PDZD4: variants seen among roughly 807,000 people sequenced by gnomAD.
PDZD4 encodes PDZ domain-containing protein 4.
Under a neutral mutation model 38.5 loss-of-function variants are expected in PDZD4, and 9 were observed. The observed-to-expected ratio is 0.23, with a 90% CI of 0.14 to 0.41. The LOEUF (loss-of-function observed/expected upper bound fraction) is 0.41, where lower values mean the gene tolerates loss of function less well. PDZD4 is among the 10% of genes least tolerant of loss of function. The pLI, the probability that PDZD4 is intolerant of heterozygous loss-of-function variation, is 1.00. For synonymous variants in PDZD4, 349 were observed against 315.7 expected (o/e 1.11, Z -1.12); for missense variants, 612 against 722.0 (o/e 0.85, Z 1.75).
chrX:153,827,866 C>T (rs1180572328), intron 1 of PDZD4, among the ~76,000 whole-genome samples: 1 of 111,952 alleles, frequency 8.9e-6, no homozygotes, highest in Non-Finnish European at 1.9e-5. Flanking sequence ...TAGCTCAATA[C>T]AGCTGTAATT....
intron 1 of PDZD4, among the ~76,000 whole-genome samples, chrX:153,815,698 C>T (rs2064353935): frequency 9.1e-6 from 1 of 109,680 alleles, no homozygotes; most frequent in African/African-American, 3.3e-5. Context: ...GAATGAAGCA[C>T]AGGCCCCACC....
At chrX:153,812,663 G>C (rs995740392) in intron 1 of PDZD4, among the ~76,000 whole-genome samples, 1 of 111,124 alleles carries the variant, frequency 9.0e-6, no homozygotes, top group Non-Finnish European at 1.9e-5. Context: ...GAAGAAATGA[G>C]CTCCCCTCTG....
chrX:153,816,436 G>A (rs782572495), intron 1 of PDZD4, among the ~76,000 whole-genome samples: 1 of 108,908 alleles, frequency 9.2e-6, no homozygotes, highest in Non-Finnish European at 1.9e-5. Flanking sequence ...TCTGTGGGCC[G>A]AGGACATGTG....
chrX:153,805,429 C>T (rs1557076590), intron 6 of PDZD4, 76 bp downstream of exon 6: 1 of 768,925 alleles, frequency 1.3e-6, no homozygotes, highest in Admixed American at 2.3e-5. Context: ...ACATCTGTGC[C>T]CTAGTCACGG....
At chrX:153,807,182 A>G in intron 3 of PDZD4, 97 bp downstream of exon 3, 1 of 907,764 alleles carries the variant, frequency 1.1e-6, no homozygotes, top group South Asian at 2.4e-5. Flanking sequence ...GATGCGTGCC[A>G]GGAGGGCCAC....
At position 153,804,256 on chromosome X, in the gene PDZD4, G is replaced by A. The variant is rs782101206; in HGVS notation, c.1425C>T (p.Ser475=). ...GGCAGCTCTCCCCAGTGTTGTAGGCGCTGGTGCTGTCCTTGTCCGACTTCT... is the reference window on the plus strand; with the variant it reads ...GGCAGCTCTCCCCAGTGTTGTAGGCACTGGTGCTGTCCTTGTCCGACTTCT... ...LPEKSDKDST[S]AYNTGESCRS... The change falls in exon 8 of 8, where the codon AGC becomes AGT. Residue 475 remains serine (S), a synonymous_variant. Coordinates refer to ENST00000393758, the MANE Select transcript of PDZD4 (RefSeq NM_001303512.2). 4.1e-6 allele frequency: 5 copies of A among 1,208,842 alleles called. No individual in the cohort carries two copies. The highest frequency in any genetic ancestry group is 5.6e-6 in the Non-Finnish European group (5 of 894,817).
chrX:153,807,455 C>T, intron 2 of PDZD4, 86 bp from the exon 3 acceptor site: 1 of 963,945 alleles, frequency 1.0e-6, no homozygotes, highest in Non-Finnish European at 1.4e-6. Context: ...TCCCAGCGTG[C>T]CTGGCACGGA....
At chrX:153,818,476 T>G (rs1254892640) in intron 1 of PDZD4, among the ~76,000 whole-genome samples, 2 of 110,952 alleles carry the variant, frequency 1.8e-5, no homozygotes, top group Non-Finnish European at 3.8e-5. Flanking sequence ...AAATAAAAAT[T>G]TAAAAAGCAA....
Position 153,805,149 on chromosome X carries a change from T to G in PDZD4, c.728A>C (p.Glu243Ala). The change falls in exon 7 of 8, where the codon GAG (glutamate) becomes GCG (alanine). Residue 243 changes from glutamate to alanine, a missense_variant. Coordinates refer to ENST00000393758, the MANE Select transcript of PDZD4 (RefSeq NM_001303512.2). ...RDDFLDDFGS[E>A]NEGELRARKL... is the part of the protein sequence containing the mutation. ...ACGAGCACGCAGCTCCCCCTCATTC[T>G]CAGAGCCAAAGTCATCCAGGAAGTC... 3 of 1,211,655 alleles carry G rather than the reference T, an allele frequency of 2.5e-6. No individual in the cohort carries two copies. Among genetic ancestry groups the G allele is most frequent in the Non-Finnish European group, 3.4e-6 (3 of 895,467 alleles).
In PDZD4 at chrX:153,810,125, G is replaced by A. The variant is rs1411907960; in HGVS notation, c.61-1530C>T. Among the ~76,000 whole-genome samples, 2 of 112,880 alleles carry A rather than the reference G, an allele frequency of 1.8e-5. 1 individual carries two copies. Among genetic ancestry groups the A allele is most frequent in the South Asian group, 7.2e-4 (2 of 2,768 alleles). On this transcript the variant is annotated intron_variant, in intron 1 of 7. Transcript: ENST00000393758. The stretch of plus-strand genomic sequence containing the variant: ...GGGCACGTGCCATGGGGCCAGCAAG[G>A]GTCAGCAGGAAGCACTTCTAGGAGG...
At chrX:153,823,924 T>C (rs1467049297) in intron 1 of PDZD4, among the ~76,000 whole-genome samples, 1 of 112,110 alleles carries the variant, frequency 8.9e-6, no homozygotes, top group African/African-American at 3.2e-5. Flanking sequence ...GCCCCTGAAG[T>C]AGAAGGAAGG....
chrX:153,804,582 G>A lies in PDZD4; in HGVS notation c.1099C>T (p.Leu367=), dbSNP rs1277509606. The A allele has an allele frequency of 1.7e-6, 2 of 1,208,339 alleles. No individual in the cohort carries two copies. The highest frequency in any genetic ancestry group is 2.2e-6 in the Non-Finnish European group (2 of 895,233). ...DEEYERYREL[L]EIKCHLENGN... is the part of the protein sequence containing the mutation. ...TTCTCCAGGTGGCACTTGATCTCCAGGAGCTCACGGTAGCGCTCATACTCC... is the reference window on the plus strand; with the variant it reads ...TTCTCCAGGTGGCACTTGATCTCCAAGAGCTCACGGTAGCGCTCATACTCC... Residue 367 remains leucine, a synonymous_variant, in exon 8 of 8, where the codon CTG becomes TTG. Coordinates refer to ENST00000393758, the MANE Select transcript of PDZD4 (RefSeq NM_001303512.2).
intron 1 of PDZD4, among the ~76,000 whole-genome samples, chrX:153,820,423 G>A (rs2064411537): frequency 9.4e-6 from 1 of 106,261 alleles, no homozygotes; most frequent in South Asian, 4.2e-4. Context: ...GGGAGGCTGA[G>A]GCAGGAGAAT....
chrX:153,804,207 G>A lies in PDZD4; in HGVS notation c.1474C>T (p.Pro492Ser). 1 of 1,202,876 alleles carries A rather than the reference G, an allele frequency of 8.3e-7. No homozygotes were observed. The highest frequency in any genetic ancestry group is 1.1e-6 in the Non-Finnish European group (1 of 891,411). The change falls in exon 8 of 8, where the codon CCC becomes TCC. Residue 492 changes from proline to serine, a missense_variant. This residue lies in a region of PDZD4 where 300 missense variants were observed against 284.6 expected (regional missense o/e 1.05). Transcript: ENST00000393758. ...CGCCGCAGGGGGCTCTCGGGCAGGG[G>A]CTCCACAAGCAGCGGGGTGCTGCGG... ...SCRSTPLLVE[P>S]LPESPLRRAM...
At position 153,804,864 on chromosome X, in the gene PDZD4, C is replaced by T. The variant is rs1354998486; in HGVS notation, c.817G>A (p.Gly273Ser). The change falls in exon 8 of 8, where the codon GGC becomes AGC. Residue 273 changes from glycine to serine, a missense_variant. Transcript: ENST00000393758. ...NEEEKGAPDA[G>S]PGLSNSQELD... ...TCCTGGCTGTTGCTCAGGCCTGGGC[C>T]GGCATCGGGAGCCCCCTTCTCCTCT... The T allele has an allele frequency of 1.7e-6, 2 of 1,210,143 alleles. No individual in the cohort carries two copies. The highest frequency in any genetic ancestry group is 2.2e-6 in the Non-Finnish European group (2 of 894,770).
Position 153,830,427 on chromosome X carries a change from C to A in PDZD4, c.-129G>T, listed in dbSNP as rs1323181728. 4 of 327,485 alleles carry A rather than the reference C, an allele frequency of 1.2e-5. No homozygotes were observed. Among genetic ancestry groups the A allele is most frequent in the Non-Finnish European group, 2.0e-5 (4 of 198,215 alleles). The allele number at this position is 327,485 out of a possible 1,213,427, so 27.0% of individuals were successfully genotyped here. A position where few individuals can be genotyped will look rare whatever the true frequency, so the allele number is the denominator to read the frequency against. On this transcript the variant is annotated 5_prime_UTR_variant, in exon 1 of 8. Coordinates refer to ENST00000393758, the MANE Select transcript of PDZD4 (RefSeq NM_001303512.2). ...CTGGCGCGGGGGGCGGGCCGCCTAG[C>A]GGGGGAGGGGGGCACGCCCCCGAGG... is the stretch of plus-strand genomic sequence containing the variant.
intron 3 of PDZD4, 125 bp from the exon 4 acceptor site, chrX:153,806,965 C>T: frequency 1.7e-6 from 1 of 580,270 alleles, no homozygotes; most frequent in Non-Finnish European, 2.8e-6. Flanking sequence ...TCAGCTTCCT[C>T]TGGAGCCCCC....
chrX:153,808,639 T>A, intron 1 of PDZD4, 44 bp from the exon 2 acceptor site: 1 of 1,107,638 alleles, frequency 9.0e-7, no homozygotes, highest in Non-Finnish European at 1.2e-6. Context: ...AAAGGCTTGC[T>A]CCTCCCCTCT....
intron 1 of PDZD4, among the ~76,000 whole-genome samples, chrX:153,812,491 A>G (rs2064319315): frequency 9.0e-6 from 1 of 110,860 alleles, no homozygotes; most frequent in Non-Finnish European, 1.9e-5. Flanking sequence ...TGGGATGTCA[A>G]GAGGGGGATG....
Sources: gnomAD v4.1 joint callset for allele counts (sites outside exome capture counted in the v4.1 genomes callset) on GRCh38, gnomAD v4.1.1 for gene constraint, gnomAD v4.1.1 regional missense constraint, MANE v1.5 for transcripts, NCBI Gene and HGNC (gene_info 2026-07-23, HGNC 2026-07-21) for gene names.